STOX2: variants seen among roughly 807,000 people sequenced by gnomAD.
STOX2 encodes storkhead box 2, also known as storkhead-box protein 2.
A neutral mutation model predicts 60.9 loss-of-function variants in STOX2; 28 were observed. The observed-to-expected ratio is 0.46, with a 90% CI of 0.34 to 0.63. STOX2 has a LOEUF of 0.63. STOX2 is among the 30% of genes least tolerant of loss of function. The pLI is 0.01. For missense variants in STOX2, 1,024 were observed against 1,187.7 expected (o/e 0.86, Z 2.03); for synonymous variants, 472 against 463.9 (o/e 1.02, Z -0.22).
chr4:183,927,261 C>T (rs924759244), intron 1 of STOX2, among the ~76,000 whole-genome samples: 2 of 152,194 alleles, frequency 1.3e-5, no homozygotes, highest in Non-Finnish European at 2.9e-5. Context: ...TGTAGCCTGG[C>T]CCCCATGCCT....
At chr4:183,800,902 G>T (rs1410901395) in intron 1 of STOX2, among the ~76,000 whole-genome samples, 3 of 152,206 alleles carry the variant, frequency 2.0e-5, no homozygotes, top group Non-Finnish European at 4.4e-5. Flanking sequence ...GAGCAGAGAG[G>T]CTCACAGGCG....
chr4:183,921,021 T>C (rs1742086396), intron 1 of STOX2, among the ~76,000 whole-genome samples: 1 of 152,278 alleles, frequency 6.6e-6, no homozygotes. Flanking sequence ...TGTATTTTTC[T>C]TGACTTTTTT....
At chr4:183,920,267 G>A (rs894533457) in intron 1 of STOX2, among the ~76,000 whole-genome samples, 4 of 151,886 alleles carry the variant, frequency 2.6e-5, no homozygotes, top group African/African-American at 9.7e-5. Context: ...CTGCCACCAC[G>A]GCCAGCTAAT....
At chr4:183,935,446 G>A (rs1742565387) in intron 1 of STOX2, among the ~76,000 whole-genome samples, 1 of 152,260 alleles carries the variant, frequency 6.6e-6, no homozygotes, top group South Asian at 2.1e-4. Flanking sequence ...AGAATTATAA[G>A]GGTGAATAAG....
chr4:183,890,039 A>G (rs1051410796), intron 1 of STOX2, among the ~76,000 whole-genome samples: 2 of 152,222 alleles, frequency 1.3e-5, no homozygotes, highest in Non-Finnish European at 2.9e-5. Flanking sequence ...CTGAAATATT[A>G]CATAGTATTT....
chr4:183,895,372 C>T, intron 1 of STOX2, among the ~76,000 whole-genome samples: 1 of 152,158 alleles, frequency 6.6e-6, no homozygotes, highest in Non-Finnish European at 1.5e-5. Flanking sequence ...TTTGATGCCC[C>T]TCTGCTGGGA....
rs1360767978 is a variant in STOX2, at chr4:183,825,801, T to C, written c.364+27746T>C. 2.0e-5 allele frequency among the ~76,000 whole-genome samples: 3 copies of C among 152,114 alleles called. No homozygotes were observed. Among genetic ancestry groups the C allele is most frequent in the Non-Finnish European group, 2.9e-5 (2 of 68,012 alleles). ...AATGCTTCGAGCAGTGGAAAGCTGC[T>C]CTGGGCTCCTGAGCACAGGCAGGGT... On this transcript the variant is annotated intron_variant, in intron 1 of 2. Transcript: ENST00000513034. The surrounding 1 kb of genome is among the most constrained non-coding windows in gnomAD (Gnocchi z 4.1).
chr4:183,865,944 A>G lies in STOX2; in HGVS notation c.364+67889A>G, dbSNP rs1740554404. On this transcript the variant is annotated intron_variant, in intron 1 of 2. Transcript: ENST00000513034. The surrounding 1 kb of genome is among the most constrained non-coding windows in gnomAD (Gnocchi z 4.1). ...GGCGTGATAAAGATTAGGCTTTAGGAAAAATGGAAGACGGAGTTGACACAG... is the reference window on the plus strand; with the variant it reads ...GGCGTGATAAAGATTAGGCTTTAGGGAAAATGGAAGACGGAGTTGACACAG... Among the ~76,000 whole-genome samples, 1 of 152,130 alleles carries G rather than the reference A, an allele frequency of 6.6e-6. No homozygotes were observed. The highest frequency in any genetic ancestry group is 2.4e-5 in the African/African-American group (1 of 41,420).
chr4:183,938,585 C>A (rs1465723637), intron 1 of STOX2, among the ~76,000 whole-genome samples: 2 of 144,752 alleles, frequency 1.4e-5, no homozygotes, highest in Non-Finnish European at 3.0e-5. Context: ...AGGAGAATTG[C>A]TTGAACCCAG....
chr4:183,892,073 C>A (rs903898076), intron 1 of STOX2, among the ~76,000 whole-genome samples: 1 of 152,180 alleles, frequency 6.6e-6, no homozygotes, highest in African/African-American at 2.4e-5. Context: ...CATGTTTAAC[C>A]CCTGAGCTAT....
intron 1 of STOX2, among the ~76,000 whole-genome samples, chr4:183,845,691 A>T (rs1301957388): frequency 6.6e-6 from 1 of 152,200 alleles, no homozygotes; most frequent in Non-Finnish European, 1.5e-5. Flanking sequence ...ATGCTTTGGG[A>T]ATGCAATCTC....
chr4:183,867,289 T>A (rs987077197), intron 1 of STOX2, among the ~76,000 whole-genome samples: 5 of 152,338 alleles, frequency 3.3e-5, no homozygotes, highest in Admixed American at 2.0e-4. Context: ...AACTCCCAGA[T>A]TACCTTTAAA....
intron 1 of STOX2, among the ~76,000 whole-genome samples, chr4:183,934,797 G>T (rs1431231263): frequency 1.3e-5 from 2 of 152,158 alleles, no homozygotes; most frequent in African/African-American, 4.8e-5. Context: ...GAAATAAGAA[G>T]AATGTAGCTT....
At chr4:183,924,062 C>T (rs1742174054) in intron 1 of STOX2, among the ~76,000 whole-genome samples, 1 of 152,170 alleles carries the variant, frequency 6.6e-6, no homozygotes, top group South Asian at 2.1e-4. Flanking sequence ...TTTCAAAGCT[C>T]TCGAGGTGAT....
At chr4:183,970,139 C>CGTGTGTGTGTGTGTGT (rs3042606) in intron 1 of STOX2, among the ~76,000 whole-genome samples, 52 of 126,986 alleles carry the variant, frequency 4.1e-4, no homozygotes, top group African/African-American at 1.5e-3. Context: ...ACTACATGTA[C>CGTGTGTGTGTGTGTGT]GTGTGTGTGT....
intron 1 of STOX2, among the ~76,000 whole-genome samples, chr4:183,845,637 A>G (rs2111135415): frequency 6.6e-6 from 1 of 152,326 alleles, no homozygotes; most frequent in Admixed American, 6.5e-5. Flanking sequence ...TGGAGAGGAT[A>G]CAGCAAAAAG....
At chr4:183,870,449 A>G (rs1050181967) in intron 1 of STOX2, among the ~76,000 whole-genome samples, 8 of 152,206 alleles carry the variant, frequency 5.3e-5, no homozygotes, top group African/African-American at 1.7e-4. Flanking sequence ...ACTTTTAGTC[A>G]TTTCACCTAC....
At chr4:183,927,123 T>C (rs917923502) in intron 1 of STOX2, among the ~76,000 whole-genome samples, 1 of 152,240 alleles carries the variant, frequency 6.6e-6, no homozygotes, top group Non-Finnish European at 1.5e-5. Flanking sequence ...AGTTATTGAT[T>C]CTTTGCACAC....
chr4:183,977,865 T>G (rs1732502698), intron 1 of STOX2, among the ~76,000 whole-genome samples: 1 of 152,234 alleles, frequency 6.6e-6, no homozygotes, highest in South Asian at 2.1e-4. Flanking sequence ...TCAGTGATGT[T>G]TTTCATATGT....
Sources: gnomAD v4.1 joint callset for allele counts (sites outside exome capture counted in the v4.1 genomes callset) on GRCh38, gnomAD v4.1.1 for gene constraint, Gnocchi (gnomAD v3.1) non-coding constraint, MANE v1.5 for transcripts, NCBI Gene and HGNC (gene_info 2026-07-23, HGNC 2026-07-21) for gene names.